ADGRL3: variants seen among roughly 807,000 people sequenced by gnomAD.
ADGRL3 encodes the protein adhesion G protein-coupled receptor L3, also known as calcium-independent alpha-latrotoxin receptor 3.
ADGRL3 carries 62 observed loss-of-function variants against 153.5 expected under a neutral mutation model. The observed-to-expected ratio is 0.40, with a 90% CI of 0.33 to 0.50. The LOEUF is 0.50. Among genes scored for constraint, ADGRL3 ranks in the 20% least tolerant of loss-of-function variants. The pLI is 0.47. For synonymous variants in ADGRL3, 710 were observed against 672.5 expected, an observed-to-expected ratio of 1.06 and a Z score of -0.86; for missense variants, 1,641 against 1,859.4, an observed-to-expected ratio of 0.88 and a Z score of 2.16.
chr4:61,505,653 A>G (rs1560748265), intron 3 of ADGRL3, among the ~76,000 whole-genome samples: 1 of 152,050 alleles, frequency 6.6e-6, no homozygotes, highest in Non-Finnish European at 1.5e-5. Flanking sequence ...CAAATTATAA[A>G]TATTGAGTCT....
chr4:61,531,498 A>T (rs924601744), intron 4 of ADGRL3, among the ~76,000 whole-genome samples: 1 of 152,126 alleles, frequency 6.6e-6, no homozygotes. Context: ...AGAGTGATGA[A>T]CAACCTTCAT....
chr4:61,901,237 C>G (rs933967012), intron 11 of ADGRL3, among the ~76,000 whole-genome samples: 4 of 152,316 alleles, frequency 2.6e-5, no homozygotes, highest in African/African-American at 9.6e-5. Context: ...GTCTCTGTTT[C>G]TGTTTGTATA....
At chr4:61,485,844 T>C (rs184391362) in intron 2 of ADGRL3, among the ~76,000 whole-genome samples, 4 of 152,294 alleles carry the variant, frequency 2.6e-5, no homozygotes, top group Admixed American at 2.0e-4. Flanking sequence ...CTGAAATGCA[T>C]ACTGTAGCTT....
chr4:61,274,061 A>G (rs1474587866), intron 1 of ADGRL3, among the ~76,000 whole-genome samples: 1 of 152,192 alleles, frequency 6.6e-6, no homozygotes, highest in East Asian at 1.9e-4. Context: ...ATACAACATA[A>G]TAAATGAGCA....
chr4:61,275,363 A>G (rs559323308), intron 1 of ADGRL3, among the ~76,000 whole-genome samples: 1 of 152,292 alleles, frequency 6.6e-6, no homozygotes, highest in South Asian at 2.1e-4. Context: ...CACAAAAGTT[A>G]CCATTTAATG....
rs375814726 is a variant in ADGRL3, at chr4:61,982,045, C to A, written c.3016-1338C>A. Among the ~76,000 whole-genome samples, 12 of 152,306 alleles carry A rather than the reference C, an allele frequency of 7.9e-5. 1 individual carries two copies. The highest frequency in any genetic ancestry group is 2.0e-4 in the Admixed American group (3 of 15,304). On this transcript the variant is annotated intron_variant, in intron 18 of 26. Transcript: ENST00000683033. The stretch of plus-strand genomic sequence containing the variant: ...CAAAAATTAATAGTTGACGTTCTAA[C>A]TCTAAAAAGCAAGAAATGGAAAATT...
At chr4:61,686,433 A>G (rs7690472) in intron 6 of ADGRL3, among the ~76,000 whole-genome samples, 84,986 of 151,840 alleles carry the variant, frequency 0.56, 24,557 homozygotes, top group Non-Finnish European at 0.66. Context: ...CATGAATCTT[A>G]TGAAACTAAA....
intron 13 of ADGRL3, among the ~76,000 whole-genome samples, chr4:61,914,271 G>T (rs751382786): frequency 8.5e-5 from 13 of 152,048 alleles, no homozygotes; most frequent in Non-Finnish European, 1.0e-4. Context: ...TGTCTATTAC[G>T]ATTATGCGTG....
chr4:61,272,946 G>A (rs2093274365), intron 1 of ADGRL3, among the ~76,000 whole-genome samples: 1 of 152,104 alleles, frequency 6.6e-6, no homozygotes, highest in Non-Finnish European at 1.5e-5. Flanking sequence ...TAGACTCAGA[G>A]TGGCTGGGTT....
chr4:61,609,574 T>G (rs1169961074), intron 5 of ADGRL3, among the ~76,000 whole-genome samples: 2 of 152,066 alleles, frequency 1.3e-5, no homozygotes, highest in African/African-American at 4.8e-5. Flanking sequence ...TAAATCACAT[T>G]ATTAATATTG....
At chr4:62,045,164 T>G (rs953518455) in intron 25 of ADGRL3, among the ~76,000 whole-genome samples, 2 of 151,926 alleles carry the variant, frequency 1.3e-5, no homozygotes, top group African/African-American at 4.8e-5. Context: ...TCTATTGTTT[T>G]GTTTGTGGTT....
intron 2 of ADGRL3, among the ~76,000 whole-genome samples, chr4:61,451,059 C>T (rs556255021): frequency 6.6e-6 from 1 of 152,070 alleles, no homozygotes; most frequent in East Asian, 1.9e-4. Flanking sequence ...CTGATCATTG[C>T]GTTCGTTATC....
chr4:61,373,057 G>A (rs569935124), intron 1 of ADGRL3, among the ~76,000 whole-genome samples: 5 of 152,116 alleles, frequency 3.3e-5, no homozygotes, highest in Admixed American at 6.5e-5. Flanking sequence ...TGTGCTTCCC[G>A]AGTGAGGCAA....
chr4:61,812,515 T>A, intron 8 of ADGRL3, among the ~76,000 whole-genome samples: 1 of 152,216 alleles, frequency 6.6e-6, no homozygotes, highest in East Asian at 1.9e-4. Context: ...AACAACCCTG[T>A]AAATTGCTAT....
rs111717649 is a variant in ADGRL3 at position 61,657,362 on chromosome 4, A to G, written c.474-19464A>G. Reference sequence around the variant, plus strand: ...TCCCCCAAGAGCCCCAATTGCAGACATAGATACATAGATATACATATATGT... The same window carrying G: ...TCCCCCAAGAGCCCCAATTGCAGACGTAGATACATAGATATACATATATGT... On this transcript the variant is annotated intron_variant, in intron 5 of 26. Transcript: ENST00000683033. Among the ~76,000 whole-genome samples the G allele has an allele frequency of 4.9e-4, 75 of 152,238 alleles. 3 individuals are homozygous for G. The highest frequency in any genetic ancestry group is 3.4e-3 in the Middle Eastern group (1 of 294).
chr4:61,748,558 T>A (rs1056932528), intron 8 of ADGRL3, among the ~76,000 whole-genome samples: 2 of 152,100 alleles, frequency 1.3e-5, no homozygotes, highest in Non-Finnish European at 2.9e-5. Flanking sequence ...TAACGCTGCA[T>A]ATCTACAACT....
chr4:61,536,411 T>C (rs1324938809), intron 4 of ADGRL3, among the ~76,000 whole-genome samples: 1 of 151,974 alleles, frequency 6.6e-6, no homozygotes, highest in African/African-American at 2.4e-5. Flanking sequence ...TGCTCAAGAG[T>C]CTAGTTTAAG....
intron 1 of ADGRL3, among the ~76,000 whole-genome samples, chr4:61,203,628 A>G (rs908239670): frequency 6.6e-6 from 1 of 152,230 alleles, no homozygotes; most frequent in Non-Finnish European, 1.5e-5. Flanking sequence ...ATGTCATCGT[A>G]GAATCTGCAA....
At chr4:61,851,448 G>T (rs2098201570) in intron 9 of ADGRL3, among the ~76,000 whole-genome samples, 1 of 151,834 alleles carries the variant, frequency 6.6e-6, no homozygotes, top group Non-Finnish European at 1.5e-5. Context: ...AATCAGCCAG[G>T]TGTGGTGGCA....
Sources: gnomAD v4.1 joint callset for allele counts (sites outside exome capture counted in the v4.1 genomes callset) on GRCh38, gnomAD v4.1.1 for gene constraint, MANE v1.5 for transcripts, NCBI Gene and HGNC (gene_info 2026-07-23, HGNC 2026-07-21) for gene names.